CPED1: variants seen among roughly 807,000 people sequenced by gnomAD.
CPED1 encodes cadherin-like and PC-esterase domain-containing protein 1.
CPED1 carries 114 observed loss-of-function variants against 128.2 expected under a neutral mutation model. That is an observed-to-expected ratio of 0.89 (90% CI 0.76 to 1.04). The LOEUF (loss-of-function observed/expected upper bound fraction) is 1.04. CPED1 is among the 50% of genes least tolerant of loss of function. The probability of loss-of-function intolerance (pLI) is 0.00; values close to 1 mark genes in which losing one functional copy is unlikely to be tolerated. For missense variants in CPED1, 1,211 were observed against 1,207.1 expected (o/e 1.00, Z -0.05); for synonymous variants, 462 against 426.7 (o/e 1.08, Z -1.02).
At position 121,295,556 on chromosome 7, in the gene CPED1, A is replaced by G; in HGVS notation, c.2985A>G (p.Thr995=). 2 of 1,614,154 alleles carry G rather than the reference A, an allele frequency of 1.2e-6. No individual in the cohort carries two copies. Among genetic ancestry groups the G allele is most frequent in the Non-Finnish European group, 1.7e-6 (2 of 1,179,972 alleles). The change falls in exon 23 of 23, where the codon ACA becomes ACG. Residue 995 remains threonine, a synonymous_variant. Coordinates refer to ENST00000310396, the MANE Select transcript of CPED1 (RefSeq NM_024913.5). ...NQSKLQQGTV[T]NFRSPYHVRG... ...GCAAACTACAACAAGGCACTGTAAC[A>G]AATTTTCGATCGCCATATCATGTCA...
chr7:121,123,668 C>G (rs1370703723), intron 7 of CPED1, among the ~76,000 whole-genome samples: 1 of 152,088 alleles, frequency 6.6e-6, no homozygotes, highest in African/African-American at 2.4e-5. Flanking sequence ...TAAGATGACA[C>G]AATTGAGCTT....
intron 7 of CPED1, among the ~76,000 whole-genome samples, chr7:121,116,345 T>A (rs1795233712): frequency 6.6e-6 from 1 of 152,248 alleles, no homozygotes; most frequent in Admixed American, 6.5e-5. Flanking sequence ...TTTGGTTTTC[T>A]GTGATTTACA....
At chr7:121,225,785 T>C (rs551224005) in intron 16 of CPED1, among the ~76,000 whole-genome samples, 28 of 152,272 alleles carry the variant, frequency 1.8e-4, no homozygotes, top group African/African-American at 6.7e-4. Flanking sequence ...TTGAAGCTTG[T>C]GTATGCATCA....
intron 9 of CPED1, among the ~76,000 whole-genome samples, chr7:121,126,700 A>G (rs975301235): frequency 3.3e-5 from 5 of 152,252 alleles, no homozygotes; most frequent in African/African-American, 1.2e-4. Context: ...AAACTTAATT[A>G]ACTGACACTT....
chr7:121,046,981 T>C lies in CPED1; in HGVS notation c.528T>C (p.Gly176=). 1 of 1,608,068 alleles carries C rather than the reference T, an allele frequency of 6.2e-7. No homozygotes were observed. Among genetic ancestry groups the C allele is most frequent in the Admixed American group, 1.7e-5 (1 of 59,902 alleles). The change falls in exon 4 of 23, where the codon GGT becomes GGC. Residue 176 remains glycine, a synonymous_variant. Coordinates refer to ENST00000310396, the MANE Select transcript of CPED1 (RefSeq NM_024913.5). ...CISKEVMCQL[G]LHQKANRLPE... ...CCAAGGAAGTCATGTGCCAGTTAGGTTTACATCAAAAGGTAAATACTCTCA... is the reference window on the plus strand; with the variant it reads ...CCAAGGAAGTCATGTGCCAGTTAGGCTTACATCAAAAGGTAAATACTCTCA...
chr7:121,263,004 G>T (rs1792050357), intron 18 of CPED1, among the ~76,000 whole-genome samples: 1 of 151,978 alleles, frequency 6.6e-6, no homozygotes, highest in Non-Finnish European at 1.5e-5. Flanking sequence ...TTCATGAATG[G>T]AAAGGCACTA....
At chr7:121,124,525 A>G in intron 8 of CPED1, 52 bp downstream of exon 8, 3 of 1,269,978 alleles carry the variant, frequency 2.4e-6, no homozygotes, top group East Asian at 2.9e-5. Flanking sequence ...AAAGCAACCT[A>G]TCTTTTAAAA....
At chr7:121,257,254 A>G (rs1018097172) in intron 18 of CPED1, among the ~76,000 whole-genome samples, 1 of 152,070 alleles carries the variant, frequency 6.6e-6, no homozygotes, top group Non-Finnish European at 1.5e-5. Flanking sequence ...TAGAAGAGCA[A>G]TGAACCAAGC....
intron 16 of CPED1, among the ~76,000 whole-genome samples, chr7:121,221,340 C>T (rs576994690): frequency 6.6e-6 from 1 of 152,320 alleles, no homozygotes; most frequent in Admixed American, 6.5e-5. Context: ...ATATGTGCCA[C>T]ATTTTCTTAA....
chr7:121,031,056 C>A (rs1792716736), intron 3 of CPED1, among the ~76,000 whole-genome samples: 2 of 152,202 alleles, frequency 1.3e-5, no homozygotes, highest in Admixed American at 1.3e-4. Flanking sequence ...GAGCTTTTAA[C>A]CAGAATATCA....
intron 18 of CPED1, among the ~76,000 whole-genome samples, chr7:121,262,668 T>G (rs1289687394): frequency 6.6e-6 from 1 of 152,094 alleles, no homozygotes; most frequent in African/African-American, 2.4e-5. Flanking sequence ...CATAAATATT[T>G]GTTATGATAA....
intron 22 of CPED1, among the ~76,000 whole-genome samples, chr7:121,278,888 C>A (rs1792381184): frequency 6.6e-6 from 1 of 152,018 alleles, no homozygotes; most frequent in Non-Finnish European, 1.5e-5. Flanking sequence ...GCTATACTAC[C>A]CAGCCTTTTC....
chr7:121,201,622 C>T (rs1797402067), intron 16 of CPED1, among the ~76,000 whole-genome samples: 1 of 152,200 alleles, frequency 6.6e-6, no homozygotes, highest in African/African-American at 2.4e-5. Context: ...TTTTCTCACA[C>T]CTAGGTAGGG....
chr7:121,254,666 T>G (rs1798763765), intron 18 of CPED1, among the ~76,000 whole-genome samples: 1 of 151,636 alleles, frequency 6.6e-6, no homozygotes, highest in Admixed American at 6.6e-5. Context: ...CTAACTAGAT[T>G]AACAACAACA....
At chr7:121,171,494 A>G (rs1478444399) in intron 16 of CPED1, among the ~76,000 whole-genome samples, 1 of 152,214 alleles carries the variant, frequency 6.6e-6, no homozygotes, top group African/African-American at 2.4e-5. Flanking sequence ...TGCAAATGTC[A>G]CTAGAAGAAT....
chr7:121,038,569 T>C (rs952647248), intron 3 of CPED1, among the ~76,000 whole-genome samples: 3 of 152,164 alleles, frequency 2.0e-5, no homozygotes, highest in African/African-American at 7.2e-5. Context: ...ATCTTGTTTC[T>C]TCTGGAGAAT....
chr7:121,105,273 T>C (rs1794947875), intron 7 of CPED1, among the ~76,000 whole-genome samples: 1 of 152,152 alleles, frequency 6.6e-6, no homozygotes, highest in African/African-American at 2.4e-5. Context: ...TTGTCGTCAA[T>C]ATTTATGCAC....
At chr7:121,178,286 T>TGG (rs1475665681) in intron 16 of CPED1, among the ~76,000 whole-genome samples, 1 of 152,090 alleles carries the variant, frequency 6.6e-6, no homozygotes, top group Non-Finnish European at 1.5e-5. Flanking sequence ...CCTTGAGGAA[T>TGG]GGGTATTTAA....
intron 16 of CPED1, among the ~76,000 whole-genome samples, chr7:121,176,317 G>T (rs192887828): frequency 6.7e-6 from 1 of 149,460 alleles, no homozygotes; most frequent in East Asian, 2.0e-4. Flanking sequence ...AAATCACAAA[G>T]TTGCAACATT....
Sources: allele counts gnomAD v4.1 joint callset (sites outside exome capture counted in the v4.1 genomes callset), GRCh38; gene constraint gnomAD v4.1.1; transcripts MANE v1.5; gene names NCBI Gene and HGNC (gene_info 2026-07-23, HGNC 2026-07-21).